FRY: variants seen among roughly 807,000 people sequenced by gnomAD.
The protein encoded by FRY is protein furry homolog.
FRY carries 128 observed loss-of-function variants against 348.4 expected under a neutral mutation model. The observed-to-expected ratio is 0.37, with a 90% confidence interval of 0.32 to 0.43. The LOEUF is 0.43. Among genes scored for constraint, FRY ranks in the 20% least tolerant of loss-of-function variants. FRY has a pLI of 1.00. For synonymous variants in FRY, 1,370 were observed against 1,374.7 expected, an observed-to-expected ratio of 1.00 and a Z score of 0.08; for missense variants, 2,736 against 3,695.2, an observed-to-expected ratio of 0.74 and a Z score of 6.73.
In FRY at chr13:32,237,763, G is replaced by A. The variant is rs760058259; in HGVS notation, c.6195G>A (p.Arg2065=). ...AGTTTGAATACTTAATGGCCTTAAGGCTGTTGAGCAGACTACTGGCACATA... is the reference window on the plus strand; with the variant it reads ...AGTTTGAATACTTAATGGCCTTAAGACTGTTGAGCAGACTACTGGCACATA... ...DFEFEYLMAL[R]LLSRLLAHMP... is the part of the protein sequence containing the mutation. The change falls in exon 44 of 61, where the codon AGG becomes AGA. Residue 2065 remains arginine (R), a synonymous_variant. Transcript: ENST00000542859. The surrounding 1 kb of genome is among the most constrained non-coding windows in gnomAD (Gnocchi z 6.3). 1 of 1,614,158 alleles carries A rather than the reference G, an allele frequency of 6.2e-7. No individual in the cohort carries two copies. Among genetic ancestry groups the A allele is most frequent in the South Asian group, 1.1e-5 (1 of 91,074 alleles).
At chr13:32,221,912 A>G (rs1885336219) in intron 36 of FRY, among the ~76,000 whole-genome samples, 1 of 152,194 alleles carries the variant, frequency 6.6e-6, no homozygotes, top group Non-Finnish European at 1.5e-5. Flanking sequence ...AGTAGGGAGA[A>G]AACAATGAAC....
At chr13:32,072,573 G>GC (rs562456626) in intron 1 of FRY, among the ~76,000 whole-genome samples, 202 of 152,144 alleles carry the variant, frequency 1.3e-3, no homozygotes, top group South Asian at 0.013. Context: ...TTGAGTATTT[G>GC]CAGTACCTTT....
rs185944684 is a variant in FRY, at chr13:32,206,871, G to T, written c.4019-1982G>T. ...TGTAATTTCAAGTGACCTAATTATTGTAAACGGCCAGACAAATTGTTCAGG... is the reference window on the plus strand; with the variant it reads ...TGTAATTTCAAGTGACCTAATTATTTTAAACGGCCAGACAAATTGTTCAGG... On this transcript the variant is annotated intron_variant, in intron 31 of 60. Transcript: ENST00000542859. Among the ~76,000 whole-genome samples, 44 of 152,252 alleles carry T rather than the reference G, an allele frequency of 2.9e-4. 1 individual carries two copies. The highest frequency in any genetic ancestry group is 1.9e-4 in the Non-Finnish European group (13 of 68,016).
In FRY at chr13:32,155,678, G is replaced by A. The variant is rs1225185862; in HGVS notation, c.1651+16G>A. 3 of 1,593,820 alleles carry A rather than the reference G, an allele frequency of 1.9e-6. No homozygotes were observed. Among genetic ancestry groups the A allele is most frequent in the Non-Finnish European group, 2.6e-6 (3 of 1,164,328 alleles). On this transcript the variant is annotated intron_variant, in intron 15 of 60. Coordinates refer to ENST00000542859, the MANE Select transcript of FRY (RefSeq NM_023037.3). ...AAAATGATAGGTGAGTTTCAGAAGT[G>A]CATAAGAACTAAGCCTTATTAAGCC...
Position 32,171,099 on chromosome 13 carries a change from A to T in FRY, c.1980A>T (p.Glu660Asp). The change falls in exon 18 of 61, where the codon GAA becomes GAT. Residue 660 changes from glutamate to aspartate, a missense_variant. By Grantham distance (45) the Glu-to-Asp change is conservative. Transcript: ENST00000542859. ...TTGTTGACTTCTCAGATTGGAGGGA[A>T]GATGTACTATTTGGCTTTACCAACT... ...GLLVDFSDWR[E>D]DVLFGFTNFL... is the part of the protein sequence containing the mutation. The T allele has an allele frequency of 6.2e-7, 1 of 1,612,862 alleles. No individual in the cohort carries two copies. The highest frequency in any genetic ancestry group is 8.5e-7 in the Non-Finnish European group (1 of 1,178,862).
intron 1 of FRY, among the ~76,000 whole-genome samples, chr13:32,071,580 C>T (rs1181974340): frequency 1.3e-5 from 2 of 152,108 alleles, no homozygotes; most frequent in East Asian, 1.9e-4. Flanking sequence ...TGAGACTTTG[C>T]TGAAGTTGCT....
intron 14 of FRY, among the ~76,000 whole-genome samples, chr13:32,154,887 T>C (rs372184450): frequency 1.3e-5 from 2 of 152,224 alleles, no homozygotes; most frequent in Non-Finnish European, 2.9e-5. Context: ...GTGCCATACC[T>C]GAGCCTAAGG....
At chr13:32,120,190 A>G (rs756493295) in intron 4 of FRY, among the ~76,000 whole-genome samples, 22 of 152,180 alleles carry the variant, frequency 1.4e-4, no homozygotes, top group Non-Finnish European at 3.2e-4. Flanking sequence ...TACATGTTTT[A>G]TCTTCTCAAA....
chr13:32,270,069 A>G (rs1440806584), intron 55 of FRY, among the ~76,000 whole-genome samples: 1 of 152,248 alleles, frequency 6.6e-6, no homozygotes, highest in Non-Finnish European at 1.5e-5. Flanking sequence ...GGCTGCTAAA[A>G]GATAAGAATT....
At chr13:32,284,798 C>T (rs1230279630) in intron 58 of FRY, among the ~76,000 whole-genome samples, 1 of 152,164 alleles carries the variant, frequency 6.6e-6, no homozygotes, top group Non-Finnish European at 1.5e-5. Flanking sequence ...ATAATAGCTA[C>T]TATAGTACAC....
chr13:32,265,748 A>C, intron 54 of FRY, 132 bp downstream of exon 54: 1 of 893,032 alleles, frequency 1.1e-6, no homozygotes, highest in Non-Finnish European at 1.8e-6. Flanking sequence ...GACATATATC[A>C]TGGCAGGCTC....
chr13:32,277,472 A>G (rs1186530491), intron 57 of FRY, among the ~76,000 whole-genome samples: 1 of 152,174 alleles, frequency 6.6e-6, no homozygotes, highest in Non-Finnish European at 1.5e-5. Flanking sequence ...GCTCACAACT[A>G]CCCTGAGAGT....
intron 55 of FRY, among the ~76,000 whole-genome samples, chr13:32,274,623 G>T (rs1400715532): frequency 6.9e-6 from 1 of 143,990 alleles, no homozygotes; most frequent in Non-Finnish European, 1.5e-5. Context: ...AGAATGGCGT[G>T]AACCTGGGAG....
chr13:32,194,421 T>C, intron 29 of FRY, 124 bp downstream of exon 29: 1 of 841,438 alleles, frequency 1.2e-6, no homozygotes, highest in East Asian at 2.6e-5. Context: ...ATATAAAATG[T>C]TCTGTATGTC....
chr13:32,189,073 A>G (rs528338863), intron 28 of FRY, among the ~76,000 whole-genome samples: 1 of 152,234 alleles, frequency 6.6e-6, no homozygotes. Context: ...ACATCATCTT[A>G]AAACAGGTTT....
intron 3 of FRY, among the ~76,000 whole-genome samples, chr13:32,114,888 C>T (rs532447043): frequency 6.6e-6 from 1 of 152,270 alleles, no homozygotes; most frequent in South Asian, 2.1e-4. Flanking sequence ...ACATTCATGA[C>T]CACAGCAGGA....
chr13:32,281,943 G>T (rs115646532), intron 58 of FRY, among the ~76,000 whole-genome samples: 33 of 152,284 alleles, frequency 2.2e-4, no homozygotes, highest in African/African-American at 7.7e-4. Flanking sequence ...TTGAGGCATG[G>T]CTAGGCACCA....
chr13:32,104,367 A>C (rs929208929), intron 3 of FRY, among the ~76,000 whole-genome samples: 11 of 152,222 alleles, frequency 7.2e-5, no homozygotes, highest in Admixed American at 2.6e-4. Flanking sequence ...CTTGCTAGAA[A>C]TGCAGACTGT....
At chr13:32,037,786 C>T (rs960299819) in intron 1 of FRY, among the ~76,000 whole-genome samples, 3 of 152,170 alleles carry the variant, frequency 2.0e-5, no homozygotes, top group African/African-American at 7.2e-5. Flanking sequence ...CAGTAGTTTA[C>T]TTTTGGGTAC....
Sources: gnomAD v4.1 joint callset for allele counts (sites outside exome capture counted in the v4.1 genomes callset) on GRCh38, gnomAD v4.1.1 for gene constraint, Gnocchi (gnomAD v3.1) non-coding constraint, MANE v1.5 for transcripts, NCBI Gene and HGNC (gene_info 2026-07-23, HGNC 2026-07-21) for gene names.